The following SLC9A8 variants were observed in gnomAD, a reference collection of about 807,000 sequenced individuals.
The protein encoded by SLC9A8 is solute carrier family 9 member A8, also known as sodium/hydrogen exchanger 8.
SLC9A8 carries 48 observed loss-of-function variants against 66.6 expected under a neutral mutation model. The observed-to-expected ratio is 0.72, with a 90% CI of 0.57 to 0.92. The LOEUF is 0.92. Ranked by LOEUF, SLC9A8 falls within the 40% of genes least tolerant of loss-of-function variation. The pLI is 0.00. For synonymous variants in SLC9A8, 274 were observed against 282.6 expected (o/e 0.97, Z 0.31); for missense variants, 599 against 747.3 (o/e 0.80, Z 2.31).
At chr20:49,873,577 C>G (rs2089296186) in intron 10 of SLC9A8, among the ~76,000 whole-genome samples, 1 of 151,180 alleles carries the variant, frequency 6.6e-6, no homozygotes, top group Admixed American at 6.6e-5. Context: ...TCGAGACCAG[C>G]CTGACTAACA....
intron 1 of SLC9A8, among the ~76,000 whole-genome samples, chr20:49,813,877 G>A (rs1417881703): frequency 6.6e-6 from 1 of 152,076 alleles, no homozygotes; most frequent in Non-Finnish European, 1.5e-5. Flanking sequence ...TGGACAAGGG[G>A]AGATGGGGAA....
intron 13 of SLC9A8, among the ~76,000 whole-genome samples, chr20:49,881,603 A>T (rs952462735): frequency 2.0e-5 from 3 of 152,166 alleles, no homozygotes; most frequent in Non-Finnish European, 4.4e-5. Flanking sequence ...ACTGTTCTTT[A>T]TGCTTTCTTG....
intron 14 of SLC9A8, among the ~76,000 whole-genome samples, chr20:49,884,743 G>A (rs2089828776): frequency 6.6e-6 from 1 of 152,128 alleles, no homozygotes; most frequent in African/African-American, 2.4e-5. Flanking sequence ...GCTGTAGGGA[G>A]AGCTGAGGTT....
chr20:49,818,773 G>A (rs2086641985), intron 2 of SLC9A8, among the ~76,000 whole-genome samples: 1 of 152,096 alleles, frequency 6.6e-6, no homozygotes, highest in African/African-American at 2.4e-5. Context: ...TTATAGGCAT[G>A]AGCCACCACA....
At chr20:49,880,601 G>A (rs2089590316) in intron 12 of SLC9A8, among the ~76,000 whole-genome samples, 1 of 152,212 alleles carries the variant, frequency 6.6e-6, no homozygotes, top group Admixed American at 6.5e-5. Flanking sequence ...GAATACTTCT[G>A]TACAGCCTCT....
At chr20:49,844,043 A>G (rs1387108109) in intron 4 of SLC9A8, among the ~76,000 whole-genome samples, 6 of 151,180 alleles carry the variant, frequency 4.0e-5, no homozygotes, top group Non-Finnish European at 8.8e-5. Flanking sequence ...TAAGGTTCTT[A>G]TCAGATACCC....
chr20:49,839,455 ACCT>A (rs1208887325), intron 3 of SLC9A8, 83 bp from the exon 4 acceptor site: 2 of 862,438 alleles, frequency 2.3e-6, no homozygotes, highest in African/African-American at 3.4e-5. Flanking sequence ...TGTCGTCAGG[ACCT>A]CCTGAGGCTG....
intron 10 of SLC9A8, among the ~76,000 whole-genome samples, chr20:49,868,180 C>T (rs1033351792): frequency 6.6e-6 from 1 of 152,194 alleles, no homozygotes; most frequent in Non-Finnish European, 1.5e-5. Context: ...GTGTTTCATG[C>T]ATCTGTTTGG....
intron 3 of SLC9A8, among the ~76,000 whole-genome samples, chr20:49,834,556 C>G (rs529532175): frequency 6.7e-6 from 1 of 149,070 alleles, no homozygotes; most frequent in South Asian, 2.1e-4. Flanking sequence ...GAAATACATT[C>G]ATTTTCTCTG....
intron 3 of SLC9A8, 110 bp downstream of exon 3, chr20:49,823,251 A>C: frequency 3.9e-5 from 33 of 841,838 alleles, no homozygotes; most frequent in East Asian, 9.8e-5. Flanking sequence ...CCCTGATCTC[A>C]TTTGATCCTC....
chr20:49,831,402 ACTCT>A (rs11469884), intron 3 of SLC9A8, among the ~76,000 whole-genome samples: 2,797 of 142,732 alleles, frequency 0.02, 29 homozygotes, highest in African/African-American at 0.023. Flanking sequence ...ACACACACAC[ACTCT>A]CTCTCTCTCT....
Position 49,855,508 on chromosome 20 carries a change from G to T in SLC9A8, c.640G>T (p.Val214Leu). ...ATIAIFNALH[V>L]DPVLNMLVFG... ...TATTGCCATTTTCAATGCACTTCAT[G>T]TGGACCCCGTGCTCAACATGCTGGT... Residue 214 changes from valine (V) to leucine (L), a missense_variant, in exon 8 of 16, where the codon GTG (valine) becomes TTG (leucine). This residue lies in a region of SLC9A8 where 467 missense variants were observed against 626.5 expected (regional missense o/e 0.75). Transcript: ENST00000361573. The T allele has an allele frequency of 6.2e-7, 1 of 1,614,144 alleles. No homozygotes were observed. The highest frequency in any genetic ancestry group is 8.5e-7 in the Non-Finnish European group (1 of 1,180,028).
At chr20:49,857,171 A>C (rs940495928) in intron 8 of SLC9A8, among the ~76,000 whole-genome samples, 2 of 152,140 alleles carry the variant, frequency 1.3e-5, no homozygotes, top group Non-Finnish European at 2.9e-5. Flanking sequence ...AAAAACTCCA[A>C]AGCACGTGGA....
Position 49,890,839 on chromosome 20 carries a change from G to T in SLC9A8, c.*2903G>T. 1 of 152,436 alleles carries T rather than the reference G, an allele frequency of 6.6e-6. No individual in the cohort carries two copies. Among genetic ancestry groups the T allele is most frequent in the Non-Finnish European group, 1.5e-5 (1 of 68,084 alleles). 9.4% of individuals were successfully genotyped at this position (152,436 alleles called of 1,614,324 possible). Reference sequence around the variant, plus strand: ...CTTCACAGTGGGTGAGCTGGGCTGGGCTGGCTGGCATGAGGCCAAGGGGTA... The same window carrying T: ...CTTCACAGTGGGTGAGCTGGGCTGGTCTGGCTGGCATGAGGCCAAGGGGTA... On this transcript the variant is annotated 3_prime_UTR_variant, in exon 16 of 16. Transcript: ENST00000361573.
intron 8 of SLC9A8, among the ~76,000 whole-genome samples, chr20:49,859,060 CCA>C (rs1248378346): frequency 6.6e-6 from 1 of 152,164 alleles, no homozygotes; most frequent in Non-Finnish European, 1.5e-5. Context: ...TCCTCGTCCA[CCA>C]GCAGCAGTGC....
At chr20:49,874,107 C>T (rs1312057922) in intron 10 of SLC9A8, among the ~76,000 whole-genome samples, 3 of 152,112 alleles carry the variant, frequency 2.0e-5, no homozygotes, top group Admixed American at 6.5e-5. Flanking sequence ...AAAAATTAGC[C>T]AGGCATGGTG....
Position 49,853,480 on chromosome 20 carries a change from G to A in SLC9A8, c.570-1958G>A, listed in dbSNP as rs574064417. On this transcript the variant is annotated intron_variant, in intron 7 of 15. Transcript: ENST00000361573. ...TTAGACATCATCCTCCTTCCTTCAC[G>A]GCCTCTGGTGATGGGGCTGTGGTTG... 8.5e-4 allele frequency among the ~76,000 whole-genome samples: 130 copies of A among 152,294 alleles called. 1 individual carries two copies. The highest frequency in any genetic ancestry group is 3.4e-3 in the Middle Eastern group (1 of 294).
chr20:49,858,995 G>A (rs1334574426), intron 8 of SLC9A8, among the ~76,000 whole-genome samples: 1 of 151,968 alleles, frequency 6.6e-6, no homozygotes, highest in Admixed American at 6.6e-5. Flanking sequence ...AAGATCGTCT[G>A]TGGTAACAGT....
intron 14 of SLC9A8, 188 bp downstream of exon 14, chr20:49,884,254 CACACG>C (rs1291781466): frequency 1.6e-5 from 5 of 319,624 alleles, no homozygotes; most frequent in African/African-American, 1.5e-4. Context: ...CACACACACA[CACACG>C]ACACACACAC....
Sources: allele counts gnomAD v4.1 joint callset (sites outside exome capture counted in the v4.1 genomes callset), GRCh38; gene constraint gnomAD v4.1.1; regional missense constraint gnomAD v4.1.1; transcripts MANE v1.5; gene names NCBI Gene and HGNC (gene_info 2026-07-23, HGNC 2026-07-21).